SSBP3: variants seen among roughly 807,000 people sequenced by gnomAD.
SSBP3 encodes single-stranded DNA-binding protein 3.
SSBP3 carries 5 observed loss-of-function variants against 69.6 expected under a neutral mutation model. The ratio of observed to expected loss-of-function variants is 0.07; its 90% CI spans 0.04 to 0.15. The LOEUF (loss-of-function observed/expected upper bound fraction) is 0.15. Ranked by LOEUF, SSBP3 falls within the 10% of genes least tolerant of loss-of-function variation. The pLI is 1.00. For missense variants in SSBP3, 312 were observed against 534.0 expected (o/e 0.58, Z 4.10); for synonymous variants, 196 against 193.4 (o/e 1.01, Z -0.11).
intron 4 of SSBP3, among the ~76,000 whole-genome samples, chr1:54,346,236 A>C (rs1247950350): frequency 6.6e-6 from 1 of 151,508 alleles, no homozygotes; most frequent in Non-Finnish European, 1.5e-5. Flanking sequence ...AAGGCAGGAG[A>C]ATTGCTTGAA....
rs60254245 is a variant in SSBP3 at position 54,360,918 on chromosome 1, T to TAAA, written c.276+40940_276+40942dup. On this transcript the variant is annotated intron_variant, in intron 4 of 17. Transcript: ENST00000610401. ...AACATAGTAAGACCTTGTCTCTACT[T>TAAA]AAAAAAAAAAAAAAAAAATCTGCCA... 5.6e-3 allele frequency among the ~76,000 whole-genome samples: 763 copies of TAAA among 137,444 alleles called. 8 individuals are homozygous for TAAA. Among genetic ancestry groups the TAAA allele is most frequent in the African/African-American group, 0.016 (610 of 37,176 alleles). 90.2% of individuals were successfully genotyped at this position (137,444 alleles called of 152,430 possible).
At chr1:54,244,437 G>A (rs1300630688) in intron 9 of SSBP3, among the ~76,000 whole-genome samples, 1 of 150,908 alleles carries the variant, frequency 6.6e-6, no homozygotes, top group African/African-American at 2.4e-5. Context: ...TGTAGAGATG[G>A]GGTCTCCCTT....
rs80194843 is a variant in SSBP3, at chr1:54,369,708, G to C, written c.276+32153C>G. Among the ~76,000 whole-genome samples the C allele has an allele frequency of 6.1e-4, 93 of 151,694 alleles. 3 individuals carry two copies. In the East Asian group the frequency reaches 0.018, roughly 29 times the overall value. ...CAAACCTGGTGTACGAAGACGCTCA[G>C]AACAGAATCAGATACTCAGACTCAC... On this transcript the variant is annotated intron_variant, in intron 4 of 17. Transcript: ENST00000610401.
chr1:54,292,438 G>A (rs942210305), intron 4 of SSBP3, among the ~76,000 whole-genome samples: 16 of 152,152 alleles, frequency 1.1e-4, no homozygotes, highest in African/African-American at 3.1e-4. Context: ...CCAAGCTACA[G>A]GAAGGGATGA....
At chr1:54,230,157 G>A (rs917519033) in intron 14 of SSBP3, among the ~76,000 whole-genome samples, 1 of 152,194 alleles carries the variant, frequency 6.6e-6, no homozygotes, top group African/African-American at 2.4e-5. Context: ...GGCACAGCTA[G>A]GGTATGAGCT....
chr1:54,345,057 T>C (rs1330042466), intron 4 of SSBP3, among the ~76,000 whole-genome samples: 1 of 152,140 alleles, frequency 6.6e-6, no homozygotes, highest in Non-Finnish European at 1.5e-5. Flanking sequence ...TGCTTTCTAC[T>C]CCACTCCTGT....
chr1:54,309,434 C>G (rs889729357), intron 4 of SSBP3, among the ~76,000 whole-genome samples: 1 of 152,246 alleles, frequency 6.6e-6, no homozygotes, highest in Non-Finnish European at 1.5e-5. Context: ...CTTCTCTGCG[C>G]AGCAAAGGGA....
Position 54,404,567 on chromosome 1 carries a change from CA to C in SSBP3, c.191+8del, listed in dbSNP as rs763572219. ...CAAACACACATGCAAAACTATCACACAAACTTACCACCACCACGAGTGCAAA... is the reference window on the plus strand; with the variant it reads ...CAAACACACATGCAAAACTATCACACAACTTACCACCACCACGAGTGCAAA... On this transcript the variant is annotated splice_region_variant and intron_variant, in intron 3 of 17. Transcript: ENST00000610401. The C allele has an allele frequency of 1.1e-5, 18 of 1,613,100 alleles. No homozygotes were observed. Among genetic ancestry groups the C allele is most frequent in the Non-Finnish European group, 1.4e-5 (17 of 1,179,822 alleles).
intron 1 of SSBP3, 122 bp from the exon 2 acceptor site, chr1:54,405,052 G>A (rs1050961611): frequency 1.2e-6 from 1 of 859,792 alleles, no homozygotes; most frequent in Non-Finnish European, 1.9e-6. Context: ...GCCCCGACCA[G>A]AGGTAAGCAG....
At chr1:54,332,431 A>T (rs1379883550) in intron 4 of SSBP3, among the ~76,000 whole-genome samples, 3 of 152,228 alleles carry the variant, frequency 2.0e-5, no homozygotes, top group African/African-American at 7.2e-5. Flanking sequence ...GTCTAGTCCC[A>T]GCCACCTTGA....
At chr1:54,297,013 T>C (rs1569678266) in intron 4 of SSBP3, among the ~76,000 whole-genome samples, 2 of 152,198 alleles carry the variant, frequency 1.3e-5, no homozygotes, top group East Asian at 3.9e-4. Flanking sequence ...TTATTTTATA[T>C]CCGACCTATC....
chr1:54,259,348 G>A (rs986214648), intron 5 of SSBP3, among the ~76,000 whole-genome samples: 1 of 152,046 alleles, frequency 6.6e-6, no homozygotes, highest in African/African-American at 2.4e-5. Flanking sequence ...CATGAACCCC[G>A]GTTTTGTGTG....
intron 4 of SSBP3, among the ~76,000 whole-genome samples, chr1:54,327,436 C>G (rs984801824): frequency 6.6e-6 from 1 of 152,202 alleles, no homozygotes; most frequent in Non-Finnish European, 1.5e-5. Flanking sequence ...CCTCTGCAAT[C>G]TGCCGCCCTG....
intron 4 of SSBP3, among the ~76,000 whole-genome samples, chr1:54,375,185 C>G (rs530471480): frequency 1.3e-5 from 2 of 152,306 alleles, no homozygotes; most frequent in Non-Finnish European, 2.9e-5. Flanking sequence ...GAGGGCTCCG[C>G]AGCACAACAG....
intron 4 of SSBP3, among the ~76,000 whole-genome samples, chr1:54,343,343 T>C (rs1348880938): frequency 1.3e-5 from 2 of 152,226 alleles, no homozygotes; most frequent in African/African-American, 4.8e-5. Context: ...ACTTTGCTCA[T>C]CTGTGAACAG....
intron 1 of SSBP3, among the ~76,000 whole-genome samples, chr1:54,405,674 C>A (rs1038446776): frequency 2.5e-4 from 38 of 152,094 alleles, no homozygotes; most frequent in African/African-American, 8.7e-4. Context: ...CACCGCGGGC[C>A]CCCGCGCTCG....
intron 4 of SSBP3, among the ~76,000 whole-genome samples, chr1:54,385,145 T>C (rs1442279020): frequency 6.6e-6 from 1 of 152,226 alleles, no homozygotes; most frequent in East Asian, 1.9e-4. Context: ...TGGCAGGCAG[T>C]GGGCAGTCCC....
chr1:54,296,008 A>G (rs980903958), intron 4 of SSBP3, among the ~76,000 whole-genome samples: 4 of 152,260 alleles, frequency 2.6e-5, no homozygotes, highest in African/African-American at 7.2e-5. Context: ...TGGAATCCAA[A>G]TATTTGTAAT....
In SSBP3 at chr1:54,320,952, T is replaced by C. The variant is rs192277021; in HGVS notation, c.277-39425A>G. Among the ~76,000 whole-genome samples, 182 of 152,294 alleles carry C rather than the reference T, an allele frequency of 1.2e-3. 1 individual carries two copies. Among genetic ancestry groups the C allele is most frequent in the Non-Finnish European group, 1.3e-3 (90 of 68,012 alleles). On this transcript the variant is annotated intron_variant, in intron 4 of 17. Transcript: ENST00000610401. Reference sequence around the variant, plus strand: ...GCTCTGGGAGGCAGGAAAGCTTTGCTGGGAAAATAACCTGGAGCTCAGTTG... The same window carrying C: ...GCTCTGGGAGGCAGGAAAGCTTTGCCGGGAAAATAACCTGGAGCTCAGTTG...
Sources: allele counts gnomAD v4.1 joint callset (sites outside exome capture counted in the v4.1 genomes callset), GRCh38; gene constraint gnomAD v4.1.1; transcripts MANE v1.5; gene names NCBI Gene and HGNC (gene_info 2026-07-23, HGNC 2026-07-21).